The following MAP3K7 variants were observed in gnomAD, a reference collection of about 807,000 sequenced individuals.
MAP3K7 encodes TGF-beta activated kinase 1.
MAP3K7 carries 21 observed loss-of-function variants against 84.8 expected under a neutral mutation model. That is an observed-to-expected ratio of 0.25 (90% CI 0.18 to 0.36). MAP3K7 has a LOEUF of 0.36. Among genes scored for constraint, MAP3K7 ranks in the 10% least tolerant of loss-of-function variants. The pLI is 1.00. For missense variants in MAP3K7, 503 were observed against 747.7 expected (o/e 0.67, Z 3.82); for synonymous variants, 241 against 247.7 (o/e 0.97, Z 0.25).
chr6:90,534,374 T>C (rs756615186), intron 13 of MAP3K7, among the ~76,000 whole-genome samples: 3 of 152,142 alleles, frequency 2.0e-5, no homozygotes, highest in Non-Finnish European at 2.9e-5. Context: ...AGCTGAACAT[T>C]AGGCATTTTA....
chr6:90,548,196 T>A lies in MAP3K7; in HGVS notation c.950-19A>T. ...AATGAGCCTAGGAAAAGCAGAAACA[T>A]TTATGACTAATGGCTGGAAATAATA... On this transcript the variant is annotated intron_variant, in intron 9 of 16. Coordinates refer to ENST00000369329, the MANE Select transcript of MAP3K7 (RefSeq NM_145331.3). 1.3e-6 allele frequency: 2 copies of A among 1,595,900 alleles called. No homozygotes were observed. Among genetic ancestry groups the A allele is most frequent in the South Asian group, 2.3e-5 (2 of 87,750 alleles).
intron 13 of MAP3K7, among the ~76,000 whole-genome samples, chr6:90,525,987 T>A (rs528819721): frequency 1.3e-5 from 2 of 152,260 alleles, no homozygotes; most frequent in South Asian, 4.1e-4. Context: ...TAGCTGGGAC[T>A]ACAGTTACAT....
chr6:90,521,115 T>C (rs1015914073), intron 14 of MAP3K7, among the ~76,000 whole-genome samples: 3 of 152,028 alleles, frequency 2.0e-5, no homozygotes, highest in Non-Finnish European at 2.9e-5. Flanking sequence ...GAACTTAAGG[T>C]CCTTCATTGA....
At chr6:90,567,706 C>T (rs368925108) in intron 3 of MAP3K7, among the ~76,000 whole-genome samples, 1 of 152,168 alleles carries the variant, frequency 6.6e-6, no homozygotes, top group African/African-American at 2.4e-5. Flanking sequence ...AGCCATCCCA[C>T]TACTGGGTAT....
In MAP3K7 at chr6:90,523,817, G is replaced by A. The variant is rs764350457; in HGVS notation, c.1357-34C>T. On this transcript the variant is annotated intron_variant, in intron 13 of 16. Coordinates refer to ENST00000369329, the MANE Select transcript of MAP3K7 (RefSeq NM_145331.3). ...AGAAGTCACAGGAGAAACAAAATGT[G>A]ATTTTTTGATTAAAAAAAATGACGA... is the stretch of plus-strand genomic sequence containing the variant. The A allele has an allele frequency of 9.0e-6, 11 of 1,216,010 alleles. No homozygotes were observed. In the South Asian group the frequency reaches 1.3e-4, roughly 15 times the overall value. The allele number at this position is 1,216,010 out of a possible 1,614,324, so 75.3% of individuals were successfully genotyped here. A position where few individuals can be genotyped will look rare whatever the true frequency, so the allele number is the denominator to read the frequency against.
Position 90,550,859 on chromosome 6 carries a change from T to G in MAP3K7, c.868-310A>C, listed in dbSNP as rs1776159097. ...AAACATACTCATGTTCTTACAGTAG[T>G]GATGTAAACTTCCAGTGACTGTTAG... On this transcript the variant is annotated intron_variant, in intron 8 of 16. Transcript: ENST00000369329. 2.0e-5 allele frequency: 4 copies of G among 200,524 alleles called. 1 individual carries two copies. The South Asian group carries it at 3.8e-4, about 19-fold the overall frequency. The allele number at this position is 200,524 out of a possible 1,614,324, so 12.4% of individuals were successfully genotyped here. A position where few individuals can be genotyped will look rare whatever the true frequency, so the allele number is the denominator to read the frequency against.
chr6:90,586,847 A>T lies in MAP3K7; in HGVS notation c.37T>A (p.Ser13Thr). The part of the protein sequence containing the change: ...TASAASSSSS[S>T]SAGEMIEAPS... ...GCTTCGATCATCTCACCGGCCGAAG[A>T]CGAGGAGGAGGAGGAGGCGGCAGAG... Residue 13 changes from serine to threonine, a missense_variant, in exon 1 of 17, where the codon TCT (serine) becomes ACT (threonine). Transcript: ENST00000369329. The T allele has an allele frequency of 6.2e-7, 1 of 1,611,108 alleles. No individual in the cohort carries two copies.
At chr6:90,537,196 C>T (rs572935961) in intron 12 of MAP3K7, 4 of 152,090 alleles carry the variant, frequency 2.6e-5, no homozygotes, top group Admixed American at 6.6e-5. Flanking sequence ...TATCTTCTAA[C>T]GTGAGAGATC....
intron 12 of MAP3K7, among the ~76,000 whole-genome samples, chr6:90,538,365 A>G (rs1775744378): frequency 6.6e-6 from 1 of 151,976 alleles, no homozygotes; most frequent in Admixed American, 6.6e-5. Flanking sequence ...GCAACTGAAT[A>G]CTAATTTAGA....
intron 1 of MAP3K7, among the ~76,000 whole-genome samples, chr6:90,582,933 G>T (rs1221528655): frequency 6.7e-6 from 1 of 148,572 alleles, no homozygotes; most frequent in Non-Finnish European, 1.5e-5. Flanking sequence ...TCCAGGCTAG[G>T]GTGCGGTGGC....
At chr6:90,540,519 A>C (rs1411926344) in intron 12 of MAP3K7, among the ~76,000 whole-genome samples, 2 of 151,938 alleles carry the variant, frequency 1.3e-5, no homozygotes. Flanking sequence ...AAAGCAATCA[A>C]GCCGGTATGA....
chr6:90,556,997 T>C lies in MAP3K7; in HGVS notation c.483-373A>G, dbSNP rs530213995. On this transcript the variant is annotated intron_variant, in intron 5 of 16. Coordinates refer to ENST00000369329, the MANE Select transcript of MAP3K7 (RefSeq NM_145331.3). Reference sequence around the variant, plus strand: ...AAATGGGAGTTTAATCATAAATATGTATTACTTAAAAAATAGTAACACTAT... The same window carrying C: ...AAATGGGAGTTTAATCATAAATATGCATTACTTAAAAAATAGTAACACTAT... Among the ~76,000 whole-genome samples the C allele has an allele frequency of 2.0e-5, 3 of 152,194 alleles. No homozygotes were observed. The East Asian group carries it at 5.8e-4, about 29-fold the overall frequency.
intron 12 of MAP3K7, among the ~76,000 whole-genome samples, chr6:90,540,232 T>C (rs1484330800): frequency 2.0e-5 from 3 of 151,852 alleles, no homozygotes; most frequent in African/African-American, 7.2e-5. Context: ...GGTCAAGGCA[T>C]TTTATTGCTC....
chr6:90,547,900 G>T, intron 10 of MAP3K7, 147 bp downstream of exon 10: 1 of 586,192 alleles, frequency 1.7e-6, no homozygotes, highest in Non-Finnish European at 2.7e-6. Flanking sequence ...ATCTCATTAC[G>T]TGTCTCTATT....
chr6:90,526,745 C>A (rs1775335013), intron 13 of MAP3K7, among the ~76,000 whole-genome samples: 1 of 151,776 alleles, frequency 6.6e-6, no homozygotes, highest in East Asian at 1.9e-4. Flanking sequence ...AAAAAAGTTT[C>A]AAAAATTCCT....
chr6:90,532,807 G>A (rs973098243), intron 13 of MAP3K7, among the ~76,000 whole-genome samples: 1 of 152,194 alleles, frequency 6.6e-6, no homozygotes, highest in Non-Finnish European at 1.5e-5. Flanking sequence ...ATATGATACA[G>A]CTACAATTCA....
At chr6:90,548,538 T>C (rs1144161) in intron 9 of MAP3K7, among the ~76,000 whole-genome samples, 31,743 of 151,978 alleles carry the variant, frequency 0.21, 3,967 homozygotes, top group Non-Finnish European at 0.29. Context: ...GAGTTTCTAG[T>C]AGATGTAAAG....
chr6:90,578,878 C>G (rs1198062613), intron 1 of MAP3K7, among the ~76,000 whole-genome samples: 1 of 152,132 alleles, frequency 6.6e-6, no homozygotes, highest in African/African-American at 2.4e-5. Flanking sequence ...AACGATAATG[C>G]AACCTTATAT....
chr6:90,523,840 C>A, intron 13 of MAP3K7, 57 bp from the exon 14 acceptor site: 1 of 1,042,220 alleles, frequency 9.6e-7, no homozygotes, highest in South Asian at 1.3e-5. Flanking sequence ...AAAAAAATGA[C>A]GAGAACGTTT....
Sources: allele counts gnomAD v4.1 joint callset (sites outside exome capture counted in the v4.1 genomes callset), GRCh38; gene constraint gnomAD v4.1.1; transcripts MANE v1.5; gene names NCBI Gene and HGNC (gene_info 2026-07-23, HGNC 2026-07-21).